C8A: variants seen among roughly 807,000 people sequenced by gnomAD.
The protein encoded by C8A is complement C8 alpha chain.
A neutral mutation model predicts 65.3 loss-of-function variants in C8A; 67 were observed. The observed-to-expected ratio is 1.03, with a 90% confidence interval of 0.84 to 1.26. The LOEUF is 1.26. Ranked by LOEUF, C8A falls within the 50% of genes most tolerant of loss-of-function variation. The pLI, the probability that C8A is intolerant of heterozygous loss-of-function variation, is 0.00. For missense variants in C8A, 781 were observed against 723.9 expected, an observed-to-expected ratio of 1.08 and a Z score of -0.90; for synonymous variants, 290 against 259.4, an observed-to-expected ratio of 1.12 and a Z score of -1.13.
rs1644465450 is a variant in C8A at position 56,906,582 on chromosome 1, GC to G, written c.1097-84del. ...CTTTTGGACTCCAAAGCTGAAGCTA[GC>G]TTTTACTACTCTGACATAGTTGTAC... On this transcript the variant is annotated intron_variant, in intron 7 of 10. Transcript: ENST00000361249. 3.9e-6 allele frequency: 6 copies of G among 1,546,962 alleles called. No homozygotes were observed. The South Asian group carries it at 5.6e-5, about 14-fold the overall frequency.
rs751452678 is a variant in C8A, at chr1:56,875,100, A to G, written c.316+7A>G. The G allele has an allele frequency of 1.3e-5, 21 of 1,612,936 alleles. No individual in the cohort carries two copies. The highest frequency in any genetic ancestry group is 1.7e-5 in the Admixed American group (1 of 59,936). On this transcript the variant is annotated splice_region_variant and intron_variant, in intron 3 of 10. Transcript: ENST00000361249. ...TTCCAGTGTAAGGAGACAGGTGAGTAGCATTTCAGCAGAATAACAGCTGTG... is the reference window on the plus strand; with the variant it reads ...TTCCAGTGTAAGGAGACAGGTGAGTGGCATTTCAGCAGAATAACAGCTGTG...
At chr1:56,904,731 G>A (rs182425199) in intron 7 of C8A, among the ~76,000 whole-genome samples, 2 of 152,160 alleles carry the variant, frequency 1.3e-5, no homozygotes, top group Non-Finnish European at 2.9e-5. Context: ...GTCTAAGAGT[G>A]CTTGGGCTCT....
At chr1:56,905,543 C>T (rs536775671) in intron 7 of C8A, among the ~76,000 whole-genome samples, 76 of 152,320 alleles carry the variant, frequency 5.0e-4, no homozygotes, top group Admixed American at 3.4e-3. Context: ...GTGAATTAGA[C>T]GCAAGTCCTT....
intron 7 of C8A, among the ~76,000 whole-genome samples, chr1:56,893,559 A>G (rs1644365240): frequency 6.6e-6 from 1 of 152,182 alleles, no homozygotes; most frequent in Non-Finnish European, 1.5e-5. Flanking sequence ...TGCATGTTGC[A>G]TGATAAGTGT....
intron 10 of C8A, 89 bp downstream of exon 10, chr1:56,912,714 C>G (rs888981081): frequency 2.5e-6 from 3 of 1,176,514 alleles, no homozygotes; most frequent in Non-Finnish European, 3.7e-6. Context: ...CCGGCCCCTC[C>G]TTTTGGAGCT....
chr1:56,905,512 T>A (rs1644457399), intron 7 of C8A, among the ~76,000 whole-genome samples: 1 of 152,202 alleles, frequency 6.6e-6, no homozygotes, highest in African/African-American at 2.4e-5. Context: ...CACACCACAT[T>A]GCTACGCTAA....
intron 1 of C8A, among the ~76,000 whole-genome samples, chr1:56,866,198 G>A (rs899550831): frequency 1.3e-5 from 2 of 152,210 alleles, no homozygotes; most frequent in Non-Finnish European, 2.9e-5. Context: ...TATAGCAACA[G>A]ATTGGATGAA....
chr1:56,869,670 A>G (rs1227540113), intron 2 of C8A, among the ~76,000 whole-genome samples: 3 of 152,168 alleles, frequency 2.0e-5, no homozygotes, highest in Non-Finnish European at 4.4e-5. Context: ...ATCCATGTCA[A>G]CATCTATTAT....
At chr1:56,872,627 T>C (rs1288612651) in intron 2 of C8A, among the ~76,000 whole-genome samples, 2 of 151,906 alleles carry the variant, frequency 1.3e-5, no homozygotes, top group Non-Finnish European at 2.9e-5. Flanking sequence ...GAAGGAAAAA[T>C]TTGAAAGTGA....
At chr1:56,892,862 C>CT (rs1487635904) in intron 7 of C8A, among the ~76,000 whole-genome samples, 2 of 152,098 alleles carry the variant, frequency 1.3e-5, no homozygotes, top group African/African-American at 4.8e-5. Context: ...CTCAGGGAGT[C>CT]TGATGGGACA....
chr1:56,911,177 T>C (rs1031252053), intron 9 of C8A, among the ~76,000 whole-genome samples: 4 of 151,970 alleles, frequency 2.6e-5, no homozygotes, highest in Non-Finnish European at 5.9e-5. Context: ...CTTTAGATCC[T>C]CATAAGAAAT....
At chr1:56,871,304 T>C (rs548361642) in intron 2 of C8A, among the ~76,000 whole-genome samples, 1 of 152,216 alleles carries the variant, frequency 6.6e-6, no homozygotes, top group South Asian at 2.1e-4. Flanking sequence ...GTCAGTTGAC[T>C]CCAAAAAGCT....
At chr1:56,899,984 A>G (rs560576882) in intron 7 of C8A, among the ~76,000 whole-genome samples, 1 of 152,306 alleles carries the variant, frequency 6.6e-6, no homozygotes, top group African/African-American at 2.4e-5. Context: ...TTTGGCCTTC[A>G]TCTACGCTGT....
At chr1:56,891,317 G>A (rs1270755351) in intron 7 of C8A, among the ~76,000 whole-genome samples, 4 of 152,068 alleles carry the variant, frequency 2.6e-5, no homozygotes, top group African/African-American at 2.4e-5. Flanking sequence ...CAGAAGCCTC[G>A]GAATAGGGGA....
At chr1:56,876,315 A>G in intron 4 of C8A, 106 bp downstream of exon 4, 2 of 1,355,228 alleles carry the variant, frequency 1.5e-6, no homozygotes, top group Non-Finnish European at 2.1e-6. Flanking sequence ...GTTCCTCTGG[A>G]GTGCATGCTG....
chr1:56,867,031 T>TA lies in C8A; in HGVS notation c.78-576dup, dbSNP rs568836030. Among the ~76,000 whole-genome samples the TA allele has an allele frequency of 4.4e-3, 666 of 152,290 alleles. 2 individuals are homozygous for TA. Among genetic ancestry groups the TA allele is most frequent in the Non-Finnish European group, 7.2e-3 (491 of 68,024 alleles). On this transcript the variant is annotated intron_variant, in intron 1 of 10. Transcript: ENST00000361249. ...TACACTGTACATAAAATAGATCTAATAATATTTATCTCCAAGGATTGTTAT... is the reference window on the plus strand; with the variant it reads ...TACACTGTACATAAAATAGATCTAATAAATATTTATCTCCAAGGATTGTTAT...
Position 56,881,525 on chromosome 1 carries a change from A to G in C8A, c.545A>G (p.Asn182Ser). 1 of 1,613,750 alleles carries G rather than the reference A, an allele frequency of 6.2e-7. No individual in the cohort carries two copies. The change falls in exon 5 of 11, where the codon AAT becomes AGT. Residue 182 changes from asparagine to serine, a missense_variant. Transcript: ENST00000361249. ...GGGGGCCAGTGTGAGACGGTATACA[A>G]TGGGGAATGGAGGGAGCTTCGATAT... The part of the protein sequence containing the change: ...YYGGQCETVY[N>S]GEWRELRYDS...
Position 56,882,760 on chromosome 1 carries a change from A to T in C8A, c.655-721A>T, listed in dbSNP as rs537819477. On this transcript the variant is annotated intron_variant, in intron 5 of 10. Transcript: ENST00000361249. ...AGGTCTTGGGGCTCTGTATCAGGCA[A>T]GACGGACTAAGTGCTTTGGGAACAA... Among the ~76,000 whole-genome samples, 17 of 152,282 alleles carry T rather than the reference A, an allele frequency of 1.1e-4. No individual in the cohort carries two copies. The South Asian group carries it at 1.2e-3, about 11-fold the overall frequency.
chr1:56,910,258 A>T (rs1416888871), intron 9 of C8A, among the ~76,000 whole-genome samples: 1 of 152,020 alleles, frequency 6.6e-6, no homozygotes, highest in Non-Finnish European at 1.5e-5. Context: ...TTATTTTGTT[A>T]TGTTGTGTTG....
Sources: gnomAD v4.1 joint callset for allele counts (sites outside exome capture counted in the v4.1 genomes callset) on GRCh38, gnomAD v4.1.1 for gene constraint, MANE v1.5 for transcripts, NCBI Gene and HGNC (gene_info 2026-07-23, HGNC 2026-07-21) for gene names.